The following SHROOM3 variants were observed in gnomAD, a reference collection of about 807,000 sequenced individuals.
SHROOM3 encodes the protein protein Shroom3.
In SHROOM3, 47 loss-of-function variants were observed where a neutral mutation model predicts 138.6. That is an observed-to-expected ratio of 0.34 (90% CI 0.27 to 0.43). The LOEUF (loss-of-function observed/expected upper bound fraction) is 0.43. Among genes scored for constraint, SHROOM3 ranks in the 20% least tolerant of loss-of-function variants. The pLI is 1.00. For synonymous variants in SHROOM3, 1,062 were observed against 1,063.3 expected (o/e 1.00, Z 0.02); for missense variants, 2,491 against 2,596.5 (o/e 0.96, Z 0.88).
At chr4:76,501,527 G>A (rs541489288) in intron 1 of SHROOM3, among the ~76,000 whole-genome samples, 1 of 152,048 alleles carries the variant, frequency 6.6e-6, no homozygotes, top group South Asian at 2.1e-4. Context: ...TTTCCTGGGC[G>A]GCAGGAGCAT....
At chr4:76,436,563 T>C (rs1396901147) in intron 1 of SHROOM3, among the ~76,000 whole-genome samples, 5 of 152,238 alleles carry the variant, frequency 3.3e-5, no homozygotes, top group Admixed American at 3.3e-4. Flanking sequence ...TATATATTTG[T>C]GCATTCAAAA....
In SHROOM3 at chr4:76,735,082, G is replaced by A. The variant is rs116499893; in HGVS notation, c.588-3679G>A. On this transcript the variant is annotated intron_variant, in intron 4 of 10. Transcript: ENST00000296043. ...AAACTATTATGCTGGAGTGCAGGGA[G>A]CAAGAAGAAGAGCAATAGAAAATGA... Among the ~76,000 whole-genome samples, 680 of 152,274 alleles carry A rather than the reference G, an allele frequency of 4.5e-3. 5 individuals are homozygous for A. The highest frequency in any genetic ancestry group is 0.015 in the African/African-American group (629 of 41,552).
intron 1 of SHROOM3, among the ~76,000 whole-genome samples, chr4:76,443,514 TC>T (rs1162092886): frequency 1.3e-5 from 2 of 152,230 alleles, no homozygotes; most frequent in African/African-American, 2.4e-5. Flanking sequence ...TTGATGTAGT[TC>T]CAAACAGTGA....
At chr4:76,491,703 C>A (rs1731853912) in intron 1 of SHROOM3, among the ~76,000 whole-genome samples, 1 of 152,134 alleles carries the variant, frequency 6.6e-6, no homozygotes. Flanking sequence ...TGAAACAACA[C>A]CAGGACCGTC....
At chr4:76,490,813 C>T (rs2109993222) in intron 1 of SHROOM3, among the ~76,000 whole-genome samples, 1 of 152,302 alleles carries the variant, frequency 6.6e-6, no homozygotes, top group African/African-American at 2.4e-5. Context: ...AACTTATTGA[C>T]ACCATGTGTG....
intron 2 of SHROOM3, among the ~76,000 whole-genome samples, chr4:76,704,008 T>C (rs1032088770): frequency 6.6e-6 from 1 of 152,208 alleles, no homozygotes; most frequent in African/African-American, 2.4e-5. Flanking sequence ...AGCCTGCCGC[T>C]AATGAGATGG....
intron 6 of SHROOM3, among the ~76,000 whole-genome samples, chr4:76,749,522 A>C (rs1260237540): frequency 6.6e-6 from 1 of 152,248 alleles, no homozygotes; most frequent in Non-Finnish European, 1.5e-5. Flanking sequence ...TGGCTTTCAC[A>C]AATGGGGCCT....
At chr4:76,452,739 CAG>C (rs1730950184) in intron 1 of SHROOM3, among the ~76,000 whole-genome samples, 1 of 152,146 alleles carries the variant, frequency 6.6e-6, no homozygotes, top group Non-Finnish European at 1.5e-5. Context: ...GTTTTTGAGA[CAG>C]AGTTTCACTC....
At chr4:76,478,031 A>G (rs552578014) in intron 1 of SHROOM3, among the ~76,000 whole-genome samples, 2 of 152,248 alleles carry the variant, frequency 1.3e-5, no homozygotes, top group South Asian at 4.2e-4. Flanking sequence ...CCTGGGTTTC[A>G]AGCACAAAAC....
chr4:76,497,922 T>A (rs531869228), intron 1 of SHROOM3, among the ~76,000 whole-genome samples: 2 of 152,172 alleles, frequency 1.3e-5, no homozygotes, highest in African/African-American at 2.4e-5. Context: ...AAAGAGGTCG[T>A]GCATGGCTGG....
chr4:76,738,840 AT>A lies in SHROOM3; in HGVS notation c.668del (p.Met223ArgfsTer48), dbSNP rs747055218. 5.5e-5 allele frequency: 88 copies of A among 1,614,124 alleles called. No homozygotes were observed. Among genetic ancestry groups the A allele is most frequent in the Non-Finnish European group, 7.4e-5 (87 of 1,180,044 alleles). Reference protein sequence around the residue: ...SPDQCSSQGSMESLEPSGAYP... With the variant: ...SPDQCSSQGSXESLEPSGAYP... ...TGACCAGTGCAGCTCCCAGGGGAGC[AT>A]GGAGAGCCTGGAGCCCAGTGGGGCA... is the stretch of plus-strand genomic sequence containing the variant. On this transcript the variant is annotated frameshift_variant, in exon 5 of 11. Transcript: ENST00000296043. LOFTEE classifies it high-confidence loss of function.
Position 76,579,020 on chromosome 4 carries a change from TA to T in SHROOM3, c.323+23267del, listed in dbSNP as rs1039691229. On this transcript the variant is annotated intron_variant, in intron 2 of 10. Coordinates refer to ENST00000296043, the MANE Select transcript of SHROOM3 (RefSeq NM_020859.4). ...ACTTTACAAAAAATTTTAAAAAATT[TA>T]AAAAAAAAATTAGCTGGGTGTGGTG... Among the ~76,000 whole-genome samples, 10 of 150,554 alleles carry T rather than the reference TA, an allele frequency of 6.6e-5. No individual in the cohort carries two copies. The East Asian group carries it at 1.2e-3, about 18-fold the overall frequency.
chr4:76,781,349 A>C lies in SHROOM3; in HGVS notation c.*2172A>C, dbSNP rs1268545383. 1 of 152,146 alleles carries C rather than the reference A, an allele frequency of 6.6e-6. No individual in the cohort carries two copies. 9.4% of individuals were successfully genotyped at this position (152,146 alleles called of 1,614,324 possible). ...TCGCTATGTTGCCCAGGCTGGTTTC[A>C]AACTCCTGGGCTCAAGGGATCCTTC... is the stretch of plus-strand genomic sequence containing the variant. On this transcript the variant is annotated 3_prime_UTR_variant, in exon 11 of 11. Coordinates refer to ENST00000296043, the MANE Select transcript of SHROOM3 (RefSeq NM_020859.4).
In SHROOM3 at chr4:76,446,589, C is replaced by T. The variant is rs116577826; in HGVS notation, c.168+10369C>T. Among the ~76,000 whole-genome samples the T allele has an allele frequency of 8.9e-3, 1,348 of 152,190 alleles. 20 individuals are homozygous for T. Among genetic ancestry groups the T allele is most frequent in the East Asian group, 0.041 (213 of 5,172 alleles). ...TGGATAGGCCATGAAAAAACCTCAA[C>T]CCCCAAGGCCTGGTACTCAAGGAGA... On this transcript the variant is annotated intron_variant, in intron 1 of 10. Coordinates refer to ENST00000296043, the MANE Select transcript of SHROOM3 (RefSeq NM_020859.4).
At chr4:76,502,113 A>G (rs1296241461) in intron 1 of SHROOM3, among the ~76,000 whole-genome samples, 1 of 151,934 alleles carries the variant, frequency 6.6e-6, no homozygotes, top group Non-Finnish European at 1.5e-5. Context: ...AGGAAGAGAG[A>G]CTCAGCTCTC....
intron 3 of SHROOM3, among the ~76,000 whole-genome samples, chr4:76,711,372 A>G (rs574306127): frequency 6.6e-6 from 1 of 152,346 alleles, no homozygotes; most frequent in Admixed American, 6.5e-5. Context: ...AACAAATGTT[A>G]TCATAGTAAC....
chr4:76,581,987 C>T (rs1156730801), intron 2 of SHROOM3, among the ~76,000 whole-genome samples: 1 of 152,324 alleles, frequency 6.6e-6, no homozygotes, highest in Non-Finnish European at 1.5e-5. Flanking sequence ...ACCTGTTCTA[C>T]CTGAATCTTT....
chr4:76,732,180 G>A (rs889510200), intron 4 of SHROOM3, among the ~76,000 whole-genome samples: 2 of 152,186 alleles, frequency 1.3e-5, no homozygotes, highest in African/African-American at 4.8e-5. Context: ...CTTAGATAGC[G>A]CTAATGTAGC....
intron 2 of SHROOM3, among the ~76,000 whole-genome samples, chr4:76,633,037 G>A (rs1735370459): frequency 6.6e-6 from 1 of 152,046 alleles, no homozygotes; most frequent in African/African-American, 2.4e-5. Context: ...TTTTGATAAG[G>A]TCACACGACT....
Sources: allele counts gnomAD v4.1 joint callset (sites outside exome capture counted in the v4.1 genomes callset), GRCh38; gene constraint gnomAD v4.1.1; transcripts MANE v1.5; gene names NCBI Gene and HGNC (gene_info 2026-07-23, HGNC 2026-07-21).